RNF17: variants seen among roughly 807,000 people sequenced by gnomAD.
The protein encoded by RNF17 is ring finger protein 17.
RNF17 carries 31 observed loss-of-function variants against 200.5 expected under a neutral mutation model. The observed-to-expected ratio is 0.15, with a 90% CI of 0.12 to 0.21. RNF17 has a LOEUF of 0.21. Among genes scored for constraint, RNF17 ranks in the 10% least tolerant of loss-of-function variants. The probability of loss-of-function intolerance (pLI) is 1.00; values close to 1 mark genes in which losing one functional copy is unlikely to be tolerated. For synonymous variants in RNF17, 606 were observed against 637.8 expected, an observed-to-expected ratio of 0.95 and a Z score of 0.75; for missense variants, 1,628 against 1,905.1, an observed-to-expected ratio of 0.85 and a Z score of 2.71.
chr13:24,854,712 A>C (rs1892279228), intron 25 of RNF17, among the ~76,000 whole-genome samples: 1 of 152,232 alleles, frequency 6.6e-6, no homozygotes, highest in Non-Finnish European at 1.5e-5. Flanking sequence ...CCTCATGTGA[A>C]GATGGGATCC....
the RNF17 span, among the ~76,000 whole-genome samples, chr13:24,757,399 C>T: frequency 1.3e-5 from 2 of 151,484 alleles, no homozygotes; most frequent in African/African-American, 4.9e-5. Context: ...TCTTGGCTCA[C>T]TGCAACCTCC....
downstream of RNF17, chr13:24,883,063 A>G: frequency 1.1e-6 from 1 of 950,594 alleles, no homozygotes; most frequent in Non-Finnish European, 1.7e-6. Context: ...CTTTTATTTT[A>G]GAATCTAATC....
chr13:24,815,843 C>CAA (rs1375803920), intron 15 of RNF17, among the ~76,000 whole-genome samples: 12 of 152,068 alleles, frequency 7.9e-5, no homozygotes, highest in Non-Finnish European at 1.5e-4. Context: ...GGTCTTTTCT[C>CAA]CTTCATCCTG....
chr13:24,883,380 T>C (rs527946206), downstream of RNF17: 2 of 1,563,910 alleles, frequency 1.3e-6, no homozygotes, highest in East Asian at 2.3e-5. Context: ...CTGTAAAATT[T>C]AAAAAAAATA....
chr13:24,767,416 G>A, intron 2 of RNF17, 50 bp downstream of exon 2: 1 of 1,262,910 alleles, frequency 7.9e-7, no homozygotes, highest in Non-Finnish European at 1.1e-6. Context: ...TAATGTTAAT[G>A]GTAAAAATAC....
the RNF17 span, chr13:24,885,236 A>AT: frequency 1.5e-6 from 2 of 1,341,514 alleles, no homozygotes; most frequent in East Asian, 2.3e-5. Context: ...ACCCATGTTT[A>AT]TTTTTTATAG....
In RNF17 at chr13:24,788,157, C is replaced by G; in HGVS notation, c.781C>G (p.Gln261Glu). 6.3e-7 allele frequency: 1 copy of G among 1,578,052 alleles called. No homozygotes were observed. Among genetic ancestry groups the G allele is most frequent in the Non-Finnish European group, 8.6e-7 (1 of 1,168,568 alleles). The change falls in exon 7 of 36, where the codon CAG (glutamine) becomes GAG (glutamate). Residue 261 changes from glutamine to glutamate, a missense_variant and splice_region_variant. Gln to Glu is a conservative substitution (Grantham distance 29). This residue lies in a region of RNF17 where 502 missense variants were observed against 501.7 expected (regional missense o/e 1.00). Transcript: ENST00000255324. ...TCTAAGAACATACTGTGACCTGAAT[C>G]AGGTAATTTAATAGTTCACAATGTG... ...PSLRTYCDLN[Q>E]IIRTLQLTSD...
chr13:24,839,791 G>A (rs1314747837), intron 18 of RNF17, among the ~76,000 whole-genome samples: 12 of 152,116 alleles, frequency 7.9e-5, no homozygotes, highest in Admixed American at 3.3e-4. Flanking sequence ...AGAAGATACC[G>A]TTGGAAAAAC....
chr13:24,885,173 G>A, the RNF17 span: 1 of 762,718 alleles, frequency 1.3e-6, no homozygotes, highest in Non-Finnish European at 2.2e-6. Flanking sequence ...GCAACTAAAG[G>A]CATCTTGTCC....
intron 27 of RNF17, 85 bp from the exon 28 acceptor site, chr13:24,862,628 A>T (rs957986684): frequency 1.3e-6 from 1 of 786,292 alleles, no homozygotes; most frequent in East Asian, 2.5e-5. Flanking sequence ...TTATTTGTTT[A>T]TGGCTACTTT....
chr13:24,866,018 T>C (rs1200425025), intron 29 of RNF17, 126 bp from the exon 30 acceptor site: 2 of 627,426 alleles, frequency 3.2e-6, no homozygotes, highest in East Asian at 2.9e-5. Flanking sequence ...TTTCCTGTAA[T>C]TGATCTGAAA....
chr13:24,799,880 A>G (rs1885034983), intron 12 of RNF17, among the ~76,000 whole-genome samples: 1 of 152,162 alleles, frequency 6.6e-6, no homozygotes, highest in Admixed American at 6.6e-5. Context: ...ACAGTTAGCA[A>G]CAGATGATTG....
Position 24,871,633 on chromosome 13 carries a change from C to CTTTTTT in RNF17, c.4447+906_4447+911dup, listed in dbSNP as rs143831233. 2.7e-3 allele frequency among the ~76,000 whole-genome samples: 352 copies of CTTTTTT among 128,452 alleles called. 7 individuals are homozygous for CTTTTTT. In the East Asian group the frequency reaches 0.044, roughly 16 times the overall value. 84.3% of individuals were successfully genotyped at this position (128,452 alleles called of 152,430 possible). On this transcript the variant is annotated intron_variant, in intron 32 of 35. Coordinates refer to ENST00000255324, the MANE Select transcript of RNF17 (RefSeq NM_031277.3). ...ATAGGCATGAGCCAACTTGCCCAGC[C>CTTTTTT]TTTTTTTTTTTTTTTTTGGAGATGA...
chr13:24,867,311 C>T (rs1893739760), intron 30 of RNF17, among the ~76,000 whole-genome samples: 1 of 152,168 alleles, frequency 6.6e-6, no homozygotes, highest in Non-Finnish European at 1.5e-5. Context: ...AAGGCATGGA[C>T]CACCACATCC....
chr13:24,804,298 C>A lies in RNF17; in HGVS notation c.1960C>A (p.Gln654Lys). 1 of 1,612,800 alleles carries A rather than the reference C, an allele frequency of 6.2e-7. No individual in the cohort carries two copies. The highest frequency in any genetic ancestry group is 8.5e-7 in the Non-Finnish European group (1 of 1,179,194). The change falls in exon 15 of 36, where the codon CAA becomes AAA. Residue 654 changes from glutamine (Q) to lysine (K), a missense_variant. Coordinates refer to ENST00000255324, the MANE Select transcript of RNF17 (RefSeq NM_031277.3). ...TATGCTTTTAATTAGGTTTAAGTCA[C>A]AATCACTAAGAAGTCACTTTGAAAA... Reference protein sequence around the residue: ...VFMELAKFKSQSLRSHFEKNT... With the variant: ...VFMELAKFKSKSLRSHFEKNT...
chr13:24,884,502 C>T, downstream of RNF17: 1 of 1,609,468 alleles, frequency 6.2e-7, no homozygotes, highest in Non-Finnish European at 8.5e-7. Flanking sequence ...AAGATTTTCT[C>T]CTGACGAAAG....
chr13:24,822,832 C>T (rs1888221974), intron 15 of RNF17, among the ~76,000 whole-genome samples: 1 of 152,230 alleles, frequency 6.6e-6, no homozygotes, highest in South Asian at 2.1e-4. Flanking sequence ...CTTCTGATAT[C>T]AGTCAGTACC....
intron 15 of RNF17, among the ~76,000 whole-genome samples, chr13:24,813,793 ATTTTTTTTTTTTTTTTTTTTTTTTTTTT>A (rs61022176): frequency 1.9e-5 from 1 of 53,924 alleles, no homozygotes; most frequent in East Asian, 5.8e-4. Context: ...CAGCTCGCTA[ATTTTTTTTTTTTTTTTTTTTTTTTTTTT>A]TTTTTTTTTT....
upstream of RNF17, among the ~76,000 whole-genome samples, chr13:24,762,832 A>G (rs943778228): frequency 6.6e-6 from 1 of 152,108 alleles, no homozygotes; most frequent in Non-Finnish European, 1.5e-5. Flanking sequence ...CGTCTCATGC[A>G]CTCTACTGCT....
Sources: allele counts gnomAD v4.1 joint callset (sites outside exome capture counted in the v4.1 genomes callset), GRCh38; gene constraint gnomAD v4.1.1; regional missense constraint gnomAD v4.1.1; transcripts MANE v1.5; gene names NCBI Gene and HGNC (gene_info 2026-07-23, HGNC 2026-07-21).